Variants in GRIN2A observed in about 807,000 individuals in gnomAD.
GRIN2A encodes the protein glutamate ionotropic receptor NMDA type subunit 2A.
Under a neutral mutation model 113.4 loss-of-function variants are expected in GRIN2A, and 22 were observed. The observed-to-expected ratio is 0.19, with a 90% CI of 0.14 to 0.28. GRIN2A has a LOEUF of 0.28. GRIN2A is among the 10% of genes least tolerant of loss of function. The pLI, the probability that GRIN2A is intolerant of heterozygous loss-of-function variation, is 1.00. For missense variants in GRIN2A, 1,502 were observed against 1,887.0 expected (o/e 0.80, Z 3.78); for synonymous variants, 827 against 738.4 (o/e 1.12, Z -1.94).
At chr16:9,938,851 T>C (rs956294521) in intron 2 of GRIN2A, among the ~76,000 whole-genome samples, 1 of 152,180 alleles carries the variant, frequency 6.6e-6, no homozygotes, top group African/African-American at 2.4e-5. Flanking sequence ...TGAGTCTATA[T>C]GGTTCTAACA....
chr16:10,147,440 T>C (rs1476013092), intron 2 of GRIN2A, among the ~76,000 whole-genome samples: 2 of 123,112 alleles, frequency 1.6e-5, no homozygotes, highest in Admixed American at 1.0e-4. Flanking sequence ...TGAAACACCG[T>C]CTCTACTAAA....
Position 10,032,371 on chromosome 16 carries a change from G to A in GRIN2A, c.415-93820C>T, listed in dbSNP as rs371328610. 2.6e-5 allele frequency among the ~76,000 whole-genome samples: 4 copies of A among 152,212 alleles called. No individual in the cohort carries two copies. The South Asian group carries it at 6.2e-4, about 24-fold the overall frequency. On this transcript the variant is annotated intron_variant, in intron 2 of 12. Coordinates refer to ENST00000330684, the MANE Select transcript of GRIN2A (RefSeq NM_001134407.3). ...ATTAAGTGATTTTTTTTAAATGTGG[G>A]TCTACCCACCTCTAAGCCTTTCATC...
At chr16:10,122,405 C>T (rs988782974) in intron 2 of GRIN2A, among the ~76,000 whole-genome samples, 3 of 152,136 alleles carry the variant, frequency 2.0e-5, no homozygotes, top group Non-Finnish European at 4.4e-5. Context: ...AGGGGCACGG[C>T]TGCAAAGTGA....
chr16:9,941,521 C>G (rs1176091359), intron 2 of GRIN2A, among the ~76,000 whole-genome samples: 2 of 152,204 alleles, frequency 1.3e-5, no homozygotes, highest in Non-Finnish European at 2.9e-5. Context: ...TCTCCACCCC[C>G]TGTCATGCCA....
At chr16:10,157,815 G>T (rs553851095) in intron 2 of GRIN2A, among the ~76,000 whole-genome samples, 1 of 152,246 alleles carries the variant, frequency 6.6e-6, no homozygotes, top group South Asian at 2.1e-4. Flanking sequence ...GACTTGGCAG[G>T]AACAGTAGTT....
chr16:9,764,511 C>A lies in GRIN2A; in HGVS notation c.3033G>T (p.Arg1011=). ...STESKANSRP[R]QLWKKSVDSI... ...AATCCACGGATTTCTTCCACAGCTG[C>A]CGGGGTCTAGAGTTCGCTTTGGATT... is the stretch of plus-strand genomic sequence containing the variant. Residue 1011 remains arginine (R), a synonymous_variant, in exon 13 of 13, where the codon CGG becomes CGT. Transcript: ENST00000330684. 6.2e-7 allele frequency: 1 copy of A among 1,614,094 alleles called. No homozygotes were observed. Among genetic ancestry groups the A allele is most frequent in the African/African-American group, 1.3e-5 (1 of 75,032 alleles).
chr16:9,857,602 G>A (rs2042991172), intron 4 of GRIN2A, among the ~76,000 whole-genome samples: 1 of 152,200 alleles, frequency 6.6e-6, no homozygotes, highest in Admixed American at 6.5e-5. Context: ...CTTGTGAGCT[G>A]TGCCACTTGG....
chr16:10,180,672 T>G lies in GRIN2A; in HGVS notation c.-18-243A>C. The stretch of plus-strand genomic sequence containing the variant: ...CCCCCAGCCCCTTCTCGCATCCAGC[T>G]TCCTCATCCCCTGTCTCCAGGCACT... On this transcript the variant is annotated intron_variant, in intron 1 of 12. Transcript: ENST00000330684. This position sits in a 1 kb window ranked among gnomAD's most constrained non-coding sequence, Gnocchi z 7.0. 2 of 620,774 alleles carry G rather than the reference T, an allele frequency of 3.2e-6. No homozygotes were observed. Among genetic ancestry groups the G allele is most frequent in the Non-Finnish European group, 5.5e-6 (2 of 361,280 alleles). 38.5% of individuals were successfully genotyped at this position (620,774 alleles called of 1,614,324 possible).
intron 3 of GRIN2A, among the ~76,000 whole-genome samples, chr16:9,902,337 A>T (rs2043945214): frequency 6.6e-6 from 1 of 152,158 alleles, no homozygotes. Context: ...TCTAGTTGCA[A>T]TGCAGATATG....
At chr16:10,082,742 G>C (rs1260332237) in intron 2 of GRIN2A, among the ~76,000 whole-genome samples, 1 of 152,216 alleles carries the variant, frequency 6.6e-6, no homozygotes, top group African/African-American at 2.4e-5. Flanking sequence ...CACCTGCTAA[G>C]TTGGTGGTCG....
intron 2 of GRIN2A, among the ~76,000 whole-genome samples, chr16:10,008,633 A>T (rs748556989): frequency 6.6e-6 from 1 of 152,200 alleles, no homozygotes; most frequent in Non-Finnish European, 1.5e-5. Flanking sequence ...TCCTATAGGT[A>T]CTCACACTTT....
intron 2 of GRIN2A, among the ~76,000 whole-genome samples, chr16:9,956,305 T>A (rs1313865904): frequency 6.6e-6 from 1 of 152,178 alleles, no homozygotes; most frequent in Non-Finnish European, 1.5e-5. Flanking sequence ...ATACCCATAC[T>A]TAAAAAGCAA....
At chr16:9,882,962 G>C (rs776835747) in intron 4 of GRIN2A, among the ~76,000 whole-genome samples, 4 of 152,094 alleles carry the variant, frequency 2.6e-5, no homozygotes, top group Admixed American at 2.6e-4. Flanking sequence ...CCTCCTTCCC[G>C]CTGCCAGTTG....
At chr16:9,768,239 G>GT (rs1429458289) in intron 12 of GRIN2A, among the ~76,000 whole-genome samples, 3 of 140,420 alleles carry the variant, frequency 2.1e-5, no homozygotes, top group Non-Finnish European at 4.9e-5. Context: ...TAGTAGAGAA[G>GT]GGGGGGGTCT....
chr16:9,925,383 T>C (rs560957712), intron 3 of GRIN2A, among the ~76,000 whole-genome samples: 1 of 152,352 alleles, frequency 6.6e-6, no homozygotes, highest in African/African-American at 2.4e-5. Context: ...GGCTTCTTTC[T>C]TTGGCTTTAG....
chr16:9,819,567 C>G (rs964578248), intron 10 of GRIN2A, among the ~76,000 whole-genome samples: 1 of 151,124 alleles, frequency 6.6e-6, no homozygotes, highest in Non-Finnish European at 1.5e-5. Context: ...GCCTGTTAAA[C>G]ATGTATGTGG....
intron 2 of GRIN2A, among the ~76,000 whole-genome samples, chr16:10,063,132 C>T (rs1320816225): frequency 6.6e-6 from 1 of 152,092 alleles, no homozygotes; most frequent in Non-Finnish European, 1.5e-5. Flanking sequence ...AACAGAAAAA[C>T]AAATACTTCA....
intron 2 of GRIN2A, among the ~76,000 whole-genome samples, chr16:10,024,219 C>T (rs1380562881): frequency 6.9e-6 from 1 of 145,846 alleles, no homozygotes; most frequent in Non-Finnish European, 1.5e-5. Context: ...TAATGGTATG[C>T]ATGTTTGTTT....
intron 2 of GRIN2A, among the ~76,000 whole-genome samples, chr16:9,941,404 T>C (rs2044872088): frequency 6.6e-6 from 1 of 152,234 alleles, no homozygotes; most frequent in South Asian, 2.1e-4. Context: ...CACTGTGAAC[T>C]TCCTCAGGAG....
Sources: allele counts gnomAD v4.1 joint callset (sites outside exome capture counted in the v4.1 genomes callset), GRCh38; gene constraint gnomAD v4.1.1; non-coding constraint Gnocchi (gnomAD v3.1); transcripts MANE v1.5; gene names NCBI Gene and HGNC (gene_info 2026-07-23, HGNC 2026-07-21).